The following ZBTB11 variants were observed in gnomAD, a reference collection of about 807,000 sequenced individuals.
ZBTB11 encodes zinc finger and BTB domain-containing protein 11.
A neutral mutation model predicts 113.1 loss-of-function variants in ZBTB11; 68 were observed. The ratio of observed to expected loss-of-function variants is 0.60; its 90% CI spans 0.49 to 0.74. ZBTB11 has a LOEUF of 0.74. Ranked by LOEUF, ZBTB11 falls within the 30% of genes least tolerant of loss-of-function variation. The probability of loss-of-function intolerance (pLI) is 0.00; values close to 1 mark genes in which losing one functional copy is unlikely to be tolerated. For missense variants in ZBTB11, 1,104 were observed against 1,279.4 expected (o/e 0.86, Z 2.09); for synonymous variants, 518 against 452.6 (o/e 1.14, Z -1.83).
At chr3:101,670,881 T>G in intron 3 of ZBTB11, 1 of 432,754 alleles carries the variant, frequency 2.3e-6, no homozygotes, top group Non-Finnish European at 4.1e-6. Context: ...TTTTTAACAG[T>G]TTAAATCCTA....
chr3:101,651,262 A>G lies in ZBTB11; in HGVS notation c.3066T>C (p.Tyr1022=), dbSNP rs778755285. Residue 1022 remains tyrosine, a synonymous_variant, in exon 11 of 11, where the codon TAT becomes TAC. Coordinates refer to ENST00000312938, the MANE Select transcript of ZBTB11 (RefSeq NM_014415.4). ...TCTGTCCTTGCTGTTGTGCTAATAC[A>G]TAATTAACCACTTGCATAATACTTT... The part of the protein sequence containing the change: ...SDQSIMQVVN[Y]VLAQQQGQKL... The G allele has an allele frequency of 1.2e-6, 2 of 1,614,184 alleles. No homozygotes were observed. The highest frequency in any genetic ancestry group is 4.5e-5 in the East Asian group (2 of 44,880).
chr3:101,670,703 C>T lies in ZBTB11; in HGVS notation c.778+427G>A, dbSNP rs147148754. 893 of 161,784 alleles carry T rather than the reference C, an allele frequency of 5.5e-3. 11 individuals are homozygous for T. Among genetic ancestry groups the T allele is most frequent in the African/African-American group, 0.021 (860 of 41,730 alleles). 10.0% of individuals were successfully genotyped at this position (161,784 alleles called of 1,614,324 possible). Reference sequence around the variant, plus strand: ...GTGGGTATTCACAGGTACAATGACACACCACAGCCTGGAACTCCTGACCTT... The same window carrying T: ...GTGGGTATTCACAGGTACAATGACATACCACAGCCTGGAACTCCTGACCTT... On this transcript the variant is annotated intron_variant, in intron 3 of 10. Transcript: ENST00000312938.
At chr3:101,669,694 A>G (rs1937053872) in intron 3 of ZBTB11, among the ~76,000 whole-genome samples, 1 of 152,204 alleles carries the variant, frequency 6.6e-6, no homozygotes, top group Non-Finnish European at 1.5e-5. Flanking sequence ...AAAAAATACC[A>G]CTAATCTAGA....
Position 101,651,249 on chromosome 3 carries a change from GTTGTGCTAATACA to G in ZBTB11, c.3066_3078del (p.Val1023SerfsTer18), listed in dbSNP as rs1218940124. On this transcript the variant is annotated frameshift_variant, in exon 11 of 11. Coordinates refer to ENST00000312938, the MANE Select transcript of ZBTB11 (RefSeq NM_014415.4). LOFTEE classifies it high-confidence loss of function. ...ACTTCAGATAGCTTCTGTCCTTGCT[GTTGTGCTAATACA>G]TAATTAACCACTTGCATAATACTTT... The G allele has an allele frequency of 1.2e-6, 2 of 1,613,936 alleles. No homozygotes were observed. Among genetic ancestry groups the G allele is most frequent in the Non-Finnish European group, 1.7e-6 (2 of 1,180,002 alleles).
intron 8 of ZBTB11, among the ~76,000 whole-genome samples, chr3:101,654,437 G>A (rs1001519682): frequency 1.3e-5 from 2 of 152,198 alleles, no homozygotes; most frequent in African/African-American, 4.8e-5. Flanking sequence ...GAAAGAAACT[G>A]GCTGGCAGTG....
intron 5 of ZBTB11, 23 bp from the exon 6 acceptor site, chr3:101,660,051 T>C (rs1250596631): frequency 1.9e-6 from 3 of 1,599,430 alleles, no homozygotes; most frequent in Middle Eastern, 1.7e-4. Context: ...TAAAATTCTC[T>C]CTAAATGTAT....
rs767592324 is a variant in ZBTB11 at position 101,676,748 on chromosome 3, C to T, written c.167G>A (p.Arg56His). 3 of 1,606,192 alleles carry T rather than the reference C, an allele frequency of 1.9e-6. No individual in the cohort carries two copies. The highest frequency in any genetic ancestry group is 2.5e-6 in the Non-Finnish European group (3 of 1,176,784). The change falls in exon 1 of 11, where the codon CGC becomes CAC. Residue 56 changes from arginine (R) to histidine (H), a missense_variant. This residue lies in a region of ZBTB11 where 245 missense variants were observed against 272.5 expected (regional missense o/e 0.90). Coordinates refer to ENST00000312938, the MANE Select transcript of ZBTB11 (RefSeq NM_014415.4). ...CACCTCCAGCTCCGCGAAGGTCTTGCGGTGCCGCTGCCGCCGCTGGTAATA... is the reference window on the plus strand; with the variant it reads ...CACCTCCAGCTCCGCGAAGGTCTTGTGGTGCCGCTGCCGCCGCTGGTAATA... ...TLYYQRRQRH[R>H]KTFAELEVVL...
Position 101,654,837 on chromosome 3 carries a change from A to G in ZBTB11, c.2192-16T>C. On this transcript the variant is annotated splice_polypyrimidine_tract_variant and intron_variant, in intron 7 of 10. Coordinates refer to ENST00000312938, the MANE Select transcript of ZBTB11 (RefSeq NM_014415.4). Reference sequence around the variant, plus strand: ...TTGGACTCTCCTATTAGAAAAAATTAAAACCCTGTCACATATCCAGCAATC... The same window carrying G: ...TTGGACTCTCCTATTAGAAAAAATTGAAACCCTGTCACATATCCAGCAATC... 1.2e-6 allele frequency: 2 copies of G among 1,602,482 alleles called. No individual in the cohort carries two copies. The highest frequency in any genetic ancestry group is 1.7e-6 in the Non-Finnish European group (2 of 1,171,910).
chr3:101,671,899 G>A (rs1937091946), intron 2 of ZBTB11, 79 bp downstream of exon 2: 1 of 1,142,446 alleles, frequency 8.8e-7, no homozygotes, highest in East Asian at 2.3e-5. Flanking sequence ...TTAGTGGTTT[G>A]AGAAAAATAA....
At chr3:101,656,367 A>C in intron 6 of ZBTB11, 119 bp from the exon 7 acceptor site, 1 of 588,440 alleles carries the variant, frequency 1.7e-6, no homozygotes, top group Non-Finnish European at 2.3e-6. Flanking sequence ...TTTAATTTAC[A>C]ATAAAACATA....
At chr3:101,662,913 G>A (rs1224285287) in intron 5 of ZBTB11, among the ~76,000 whole-genome samples, 1 of 151,298 alleles carries the variant, frequency 6.6e-6, no homozygotes, top group East Asian at 1.9e-4. Context: ...ACAGGTGTGT[G>A]CCACCATGCC....
At chr3:101,669,059 G>A (rs1031545770) in intron 3 of ZBTB11, among the ~76,000 whole-genome samples, 7 of 152,172 alleles carry the variant, frequency 4.6e-5, no homozygotes, top group Admixed American at 4.6e-4. Flanking sequence ...CTAAGACAGG[G>A]TCTTGCTCTG....
At position 101,662,910 on chromosome 3, in the gene ZBTB11, T is replaced by C. The variant is rs1388019479; in HGVS notation, c.1800+1628A>G. On this transcript the variant is annotated intron_variant, in intron 5 of 10. Coordinates refer to ENST00000312938, the MANE Select transcript of ZBTB11 (RefSeq NM_014415.4). ...CAACAAATAGCTGGGACTACAGGTG[T>C]GTGCCACCATGCCCAGATAATTTTT... is the stretch of plus-strand genomic sequence containing the variant. 2.0e-5 allele frequency among the ~76,000 whole-genome samples: 3 copies of C among 151,898 alleles called. No individual in the cohort carries two copies. The East Asian group carries it at 5.8e-4, about 29-fold the overall frequency.
chr3:101,659,165 TG>T (rs1202321150), intron 6 of ZBTB11, among the ~76,000 whole-genome samples: 2 of 152,152 alleles, frequency 1.3e-5, no homozygotes, highest in Non-Finnish European at 2.9e-5. Context: ...TTTAATCCTC[TG>T]GGAGATGGAG....
intron 3 of ZBTB11, among the ~76,000 whole-genome samples, chr3:101,666,333 T>C (rs756794525): frequency 2.0e-5 from 3 of 152,200 alleles, no homozygotes; most frequent in Non-Finnish European, 2.9e-5. Context: ...AAGAGTAAGA[T>C]AATAAACATT....
chr3:101,662,963 G>A lies in ZBTB11; in HGVS notation c.1800+1575C>T, dbSNP rs200753095. On this transcript the variant is annotated intron_variant, in intron 5 of 10. Transcript: ENST00000312938. ...ATTTCTTTTTTTTTTTTTTTGAGAC[G>A]GAGTCTCGCTCTGTTGCCCAGGCTG... Among the ~76,000 whole-genome samples the A allele has an allele frequency of 2.2e-3, 323 of 147,960 alleles. 4 individuals are homozygous for A. The highest frequency in any genetic ancestry group is 4.5e-3 in the East Asian group (23 of 5,064).
chr3:101,676,093 T>G lies in ZBTB11; in HGVS notation c.310+512A>C, dbSNP rs532597984. ...CTTATTTACGCAGCAGCGGCAAAAT[T>G]TGAGGAACACTAGCGAATGTGTCCA... On this transcript the variant is annotated intron_variant, in intron 1 of 10. Transcript: ENST00000312938. 8.9e-4 allele frequency among the ~76,000 whole-genome samples: 136 copies of G among 152,362 alleles called. 1 individual carries two copies. Among genetic ancestry groups the G allele is most frequent in the African/African-American group, 2.9e-3 (120 of 41,580 alleles).
intron 3 of ZBTB11, 72 bp from the exon 4 acceptor site, chr3:101,665,880 T>A: frequency 7.1e-7 from 1 of 1,399,658 alleles, no homozygotes; most frequent in Non-Finnish European, 9.7e-7. Flanking sequence ...TATGACAATA[T>A]AAAATATAAT....
In ZBTB11 at chr3:101,665,293, T is replaced by A; in HGVS notation, c.1294A>T (p.Asn432Tyr). 1 of 1,614,188 alleles carries A rather than the reference T, an allele frequency of 6.2e-7. No homozygotes were observed. The change falls in exon 4 of 11, where the codon AAC (asparagine) becomes TAC (tyrosine). Residue 432 changes from asparagine to tyrosine, a missense_variant. Physicochemically the swap from Asn to Tyr is moderately radical, Grantham distance 143. Coordinates refer to ENST00000312938, the MANE Select transcript of ZBTB11 (RefSeq NM_014415.4). Reference protein sequence around the residue: ...ELETSNNRENNTVSNIHPKLS... With the variant: ...ELETSNNRENYTVSNIHPKLS... The stretch of plus-strand genomic sequence containing the variant: ...TTAGGGTGTATATTAGAAACTGTGT[T>A]ATTTTCTCTGTTGTTTGAAGTTTCT...
Sources: allele counts gnomAD v4.1 joint callset (sites outside exome capture counted in the v4.1 genomes callset), GRCh38; gene constraint gnomAD v4.1.1; regional missense constraint gnomAD v4.1.1; transcripts MANE v1.5; gene names NCBI Gene and HGNC (gene_info 2026-07-23, HGNC 2026-07-21).